Variants in LMTK2 observed in about 807,000 individuals in gnomAD.
The protein encoded by LMTK2 is lemur tail kinase 2, also known as serine/threonine-protein kinase LMTK2.
LMTK2 carries 37 observed loss-of-function variants against 127.5 expected under a neutral mutation model. The ratio of observed to expected loss-of-function variants is 0.29; its 90% confidence interval spans 0.22 to 0.38. LMTK2 has a LOEUF of 0.38. Ranked by LOEUF, LMTK2 falls within the 10% of genes least tolerant of loss-of-function variation. The probability of loss-of-function intolerance (pLI) is 1.00; values close to 1 mark genes in which losing one functional copy is unlikely to be tolerated. For missense variants in LMTK2, 1,694 were observed against 1,920.3 expected (o/e 0.88, Z 2.20); for synonymous variants, 819 against 810.1 (o/e 1.01, Z -0.19).
intron 3 of LMTK2, among the ~76,000 whole-genome samples, chr7:98,144,512 G>T (rs1253852390): frequency 2.6e-5 from 4 of 151,858 alleles, no homozygotes; most frequent in Non-Finnish European, 4.4e-5. Context: ...ATTTTCCACT[G>T]CTGGCTTCCC....
chr7:98,190,584 C>A, intron 9 of LMTK2, 144 bp from the exon 10 acceptor site: 1 of 748,628 alleles, frequency 1.3e-6, no homozygotes, highest in Non-Finnish European at 2.2e-6. Context: ...TGTCTTAAAA[C>A]AACAACAACA....
chr7:98,141,154 C>T (rs1236694256), intron 2 of LMTK2, among the ~76,000 whole-genome samples: 2 of 151,338 alleles, frequency 1.3e-5, no homozygotes, highest in Admixed American at 6.6e-5. Context: ...TGTGTAAATT[C>T]CATTGCATTT....
chr7:98,129,421 A>G (rs1328149785), intron 1 of LMTK2, among the ~76,000 whole-genome samples: 2 of 151,548 alleles, frequency 1.3e-5, no homozygotes, highest in African/African-American at 4.9e-5. Flanking sequence ...TTTGTTGTCC[A>G]GGCTGGAGTG....
rs370664737 is a variant in LMTK2, at chr7:98,191,857, C to A, written c.1392C>A (p.Thr464=). 1 of 1,614,194 alleles carries A rather than the reference C, an allele frequency of 6.2e-7. No homozygotes were observed. Among genetic ancestry groups the A allele is most frequent in the East Asian group, 2.2e-5 (1 of 44,876 alleles). ...RLGREMEEVL[T]VTETSQGLSF... ...GTCGTGAAATGGAGGAAGTCCTCAC[C>A]GTGACCGAAACCAGCCAGGGCCTGA... The change falls in exon 11 of 14, where the codon ACC becomes ACA. Residue 464 remains threonine (T), a synonymous_variant. Coordinates refer to ENST00000297293, the MANE Select transcript of LMTK2 (RefSeq NM_014916.4).
At chr7:98,150,504 ATATT>A (rs761183566) in intron 3 of LMTK2, among the ~76,000 whole-genome samples, 29 of 152,178 alleles carry the variant, frequency 1.9e-4, no homozygotes, top group Non-Finnish European at 3.7e-4. Context: ...GATCTCCTTC[ATATT>A]TATTCAAGAG....
In LMTK2 at chr7:98,193,375, G is replaced by A. The variant is rs558810314; in HGVS notation, c.2910G>A (p.Ser970=). Residue 970 remains serine (S), a synonymous_variant, in exon 11 of 14, where the codon TCG becomes TCA. Transcript: ENST00000297293. The surrounding 1 kb of genome is among the most constrained non-coding windows in gnomAD (Gnocchi z 4.1). ...KEAGLVSALS[S]DSTSQDSLLE... is the part of the protein sequence containing the mutation. ...CAGGCTTGGTGTCTGCCCTCTCCTC[G>A]GACTCAACCAGTCAGGACAGCCTCC... is the stretch of plus-strand genomic sequence containing the variant. The A allele has an allele frequency of 1.5e-5, 25 of 1,614,084 alleles. No individual in the cohort carries two copies. The highest frequency in any genetic ancestry group is 6.7e-5 in the East Asian group (3 of 44,872).
At chr7:98,161,999 CAT>C (rs1163904488) in intron 6 of LMTK2, among the ~76,000 whole-genome samples, 2 of 152,174 alleles carry the variant, frequency 1.3e-5, no homozygotes, top group Non-Finnish European at 2.9e-5. Context: ...AAAACTATCT[CAT>C]ATATTTTAGC....
At chr7:98,139,987 A>G (rs2116364364) in intron 2 of LMTK2, among the ~76,000 whole-genome samples, 1 of 152,256 alleles carries the variant, frequency 6.6e-6, no homozygotes, top group Non-Finnish European at 1.5e-5. Flanking sequence ...TGGTAAATTA[A>G]CATGGATATC....
At chr7:98,108,763 A>T (rs1440563347) in intron 1 of LMTK2, among the ~76,000 whole-genome samples, 1 of 151,826 alleles carries the variant, frequency 6.6e-6, no homozygotes, top group Non-Finnish European at 1.5e-5. Context: ...TATGATGGGG[A>T]TTCAAGAAAT....
intron 3 of LMTK2, among the ~76,000 whole-genome samples, chr7:98,150,765 T>A (rs1796841507): frequency 6.6e-6 from 1 of 152,190 alleles, no homozygotes; most frequent in South Asian, 2.1e-4. Flanking sequence ...AAAGAGTACA[T>A]ACCATATGAT....
At chr7:98,167,630 G>A (rs1192816119) in intron 6 of LMTK2, among the ~76,000 whole-genome samples, 1 of 152,224 alleles carries the variant, frequency 6.6e-6, no homozygotes, top group Non-Finnish European at 1.5e-5. Flanking sequence ...AAACGGCGAT[G>A]CCACTTACTG....
chr7:98,171,583 CG>C lies in LMTK2; in HGVS notation c.706del (p.Asp236ThrfsTer31). ...AYLRSEQEHM[R>X]GDSQTMLLQR... is the part of the protein sequence containing the mutation. ...TCTGCGCAGCGAGCAGGAGCACATG[CG>C]GGGGGACTCACAGACCATGCTGCTG... On this transcript the variant is annotated frameshift_variant, in exon 7 of 14. Coordinates refer to ENST00000297293, the MANE Select transcript of LMTK2 (RefSeq NM_014916.4). LOFTEE classifies it high-confidence loss of function. The surrounding 1 kb of genome is among the most constrained non-coding windows in gnomAD (Gnocchi z 5.1). 1 of 1,613,576 alleles carries C rather than the reference CG, an allele frequency of 6.2e-7. No homozygotes were observed. Among genetic ancestry groups the C allele is most frequent in the Non-Finnish European group, 8.5e-7 (1 of 1,179,932 alleles).
intron 1 of LMTK2, among the ~76,000 whole-genome samples, chr7:98,117,396 T>C (rs1584243204): frequency 6.6e-6 from 1 of 152,230 alleles, no homozygotes; most frequent in Non-Finnish European, 1.5e-5. Context: ...CATTTACTTA[T>C]GTCAGTGTGG....
In LMTK2 at chr7:98,154,757, G is replaced by T. The variant is rs759272801; in HGVS notation, c.451-1G>T. The T allele has an allele frequency of 6.3e-7, 1 of 1,593,078 alleles. No individual in the cohort carries two copies. Among genetic ancestry groups the T allele is most frequent in the East Asian group, 2.2e-5 (1 of 44,660 alleles). Reference sequence around the variant, plus strand: ...CACAAAAAACTGTTCTTTGATTTTAGGTTCTCTTGGGAGAGATTTACACGG... The same window carrying T: ...CACAAAAAACTGTTCTTTGATTTTATGTTCTCTTGGGAGAGATTTACACGG... On this transcript the variant is annotated splice_acceptor_variant, in intron 4 of 13. Transcript: ENST00000297293. LOFTEE classifies it high-confidence loss of function.
Position 98,193,480 on chromosome 7 carries a change from C to T in LMTK2, c.3015C>T (p.Val1005=), listed in dbSNP as rs1190323515. The change falls in exon 11 of 14, where the codon GTC becomes GTT. Residue 1005 remains valine, a synonymous_variant. Coordinates refer to ENST00000297293, the MANE Select transcript of LMTK2 (RefSeq NM_014916.4). The surrounding 1 kb of genome is among the most constrained non-coding windows in gnomAD (Gnocchi z 4.1). The part of the protein sequence containing the change: ...ETPDSLESVD[V]HEALLDSLGS... ...CGGACTCTCTGGAGTCAGTGGATGT[C>T]CACGAAGCGCTACTGGACTCTTTAG... 1.2e-6 allele frequency: 2 copies of T among 1,614,150 alleles called. No homozygotes were observed. Among genetic ancestry groups the T allele is most frequent in the South Asian group, 2.2e-5 (2 of 91,080 alleles).
intron 6 of LMTK2, among the ~76,000 whole-genome samples, chr7:98,166,292 C>A (rs563680989): frequency 1.3e-5 from 2 of 152,230 alleles, no homozygotes; most frequent in African/African-American, 4.8e-5. Flanking sequence ...GTAGCTGGAG[C>A]GCTGGAGCCA....
chr7:98,168,402 C>T (rs889257033), intron 6 of LMTK2, among the ~76,000 whole-genome samples: 32 of 152,350 alleles, frequency 2.1e-4, no homozygotes, highest in African/African-American at 7.0e-4. Context: ...CCGGGCTTCG[C>T]GGAGGCGTGG....
At chr7:98,179,986 C>T (rs915007061) in intron 7 of LMTK2, among the ~76,000 whole-genome samples, 1 of 152,214 alleles carries the variant, frequency 6.6e-6, no homozygotes, top group Non-Finnish European at 1.5e-5. Context: ...AGCGAAGTCA[C>T]TTCAATTCTC....
Position 98,192,919 on chromosome 7 carries a change from C to T in LMTK2, c.2454C>T (p.Thr818=), listed in dbSNP as rs1316157612. The T allele has an allele frequency of 1.9e-6, 3 of 1,613,998 alleles. No individual in the cohort carries two copies. In the African/African-American group the frequency reaches 4.0e-5, roughly 22 times the overall value. Residue 818 remains threonine (T), a synonymous_variant, in exon 11 of 14, where the codon ACC becomes ACT. Coordinates refer to ENST00000297293, the MANE Select transcript of LMTK2 (RefSeq NM_014916.4). ...CCCCGGAAGTGCAGGTACCTCCTACCTCCTTCGAAACAGAAGAAACGCCCC... is the reference window on the plus strand; with the variant it reads ...CCCCGGAAGTGCAGGTACCTCCTACTTCCTTCGAAACAGAAGAAACGCCCC... ...QSSPEVQVPP[T]SFETEETPRR... is the part of the protein sequence containing the mutation.
Sources: allele counts gnomAD v4.1 joint callset (sites outside exome capture counted in the v4.1 genomes callset), GRCh38; gene constraint gnomAD v4.1.1; non-coding constraint Gnocchi (gnomAD v3.1); transcripts MANE v1.5; gene names NCBI Gene and HGNC (gene_info 2026-07-23, HGNC 2026-07-21).